The following RANBP2 variants were observed in gnomAD, a reference collection of about 807,000 sequenced individuals.
The protein encoded by RANBP2 is RAN binding protein 2.
In RANBP2, 57 loss-of-function variants were observed where a neutral mutation model predicts 303.6. The observed-to-expected ratio is 0.19, with a 90% CI of 0.15 to 0.23. The LOEUF is 0.23. RANBP2 is among the 10% of genes least tolerant of loss of function. The pLI is 1.00. For missense variants in RANBP2, 3,138 were observed against 3,780.8 expected (o/e 0.83, Z 4.46); for synonymous variants, 1,167 against 1,301.5 (o/e 0.90, Z 2.23).
chr2:109,726,225 A>G, the RANBP2 span, among the ~76,000 whole-genome samples: 1 of 151,820 alleles, frequency 6.6e-6, no homozygotes, highest in South Asian at 2.1e-4. Context: ...CCCGGCCAAC[A>G]TAGCAAAACC....
chr2:109,078,197 C>T, the RANBP2 span, among the ~76,000 whole-genome samples: 8 of 34,014 alleles, frequency 2.4e-4, no homozygotes, highest in Admixed American at 1.0e-3. Context: ...ATATATATAG[C>T]GTATATATAT....
At chr2:108,796,706 A>G in the RANBP2 span, among the ~76,000 whole-genome samples, 8 of 152,270 alleles carry the variant, frequency 5.3e-5, no homozygotes, top group Middle Eastern at 3.4e-3. Context: ...ATATTAAGAG[A>G]AATAAGCCAG....
the RANBP2 span, among the ~76,000 whole-genome samples, chr2:109,168,633 G>A: frequency 2.0e-5 from 3 of 151,434 alleles, no homozygotes; most frequent in East Asian, 2.0e-4. Context: ...CTTACAAATC[G>A]ATGCCATGGA....
At chr2:109,481,539 G>C in the RANBP2 span, among the ~76,000 whole-genome samples, 7 of 152,152 alleles carry the variant, frequency 4.6e-5, no homozygotes, top group Non-Finnish European at 8.8e-5. Context: ...GAAGGCTGTA[G>C]ATGCGTAGCT....
chr2:109,104,798 T>C, the RANBP2 span, among the ~76,000 whole-genome samples: 2 of 152,208 alleles, frequency 1.3e-5, no homozygotes, highest in Non-Finnish European at 2.9e-5. Context: ...TAGGTTTTTA[T>C]TTTTGGTTTA....
the RANBP2 span, among the ~76,000 whole-genome samples, chr2:109,628,751 G>A: frequency 1.4e-4 from 22 of 151,996 alleles, no homozygotes; most frequent in African/African-American, 5.1e-4. Context: ...AAGATGACAT[G>A]GTACTTTTTC....
At chr2:109,133,008 C>T in the RANBP2 span, among the ~76,000 whole-genome samples, 1 of 152,222 alleles carries the variant, frequency 6.6e-6, no homozygotes, top group Non-Finnish European at 1.5e-5. Context: ...AGAACATCTT[C>T]TGCAGTTCAT....
At chr2:109,481,112 G>C in the RANBP2 span, among the ~76,000 whole-genome samples, 1 of 152,216 alleles carries the variant, frequency 6.6e-6, no homozygotes, top group African/African-American at 2.4e-5. Context: ...CAGCTGTTCA[G>C]AAAGGCAGGA....
At chr2:109,012,592 C>T in the RANBP2 span, among the ~76,000 whole-genome samples, 2 of 149,082 alleles carry the variant, frequency 1.3e-5, no homozygotes, top group Admixed American at 1.4e-4. Context: ...ACCCTGCTTT[C>T]TCCTCTTTTC....
chr2:108,754,992 A>G lies in RANBP2; in HGVS notation c.2290A>G (p.Lys764Glu). The change falls in exon 16 of 29, where the codon AAA becomes GAA. Residue 764 changes from lysine (K) to glutamate (E), a missense_variant. Coordinates refer to ENST00000283195, the MANE Select transcript of RANBP2 (RefSeq NM_006267.5). Reference sequence around the variant, plus strand: ...CTATAGTGAAGGAGGTCCTCTCTATAAAAATGGTTCTTTGCGAAATGCAGA... The same window carrying G: ...CTATAGTGAAGGAGGTCCTCTCTATGAAAATGGTTCTTTGCGAAATGCAGA... ...EDYSEGGPLY[K>E]NGSLRNADSE... The G allele has an allele frequency of 3.7e-6, 6 of 1,611,848 alleles. No individual in the cohort carries two copies. The highest frequency in any genetic ancestry group is 3.3e-5 in the South Asian group (3 of 90,990).
At chr2:109,615,152 T>C in the RANBP2 span, 1 of 1,549,240 alleles carries the variant, frequency 6.5e-7, no homozygotes, top group Non-Finnish European at 8.7e-7. Flanking sequence ...GGAGCGTGTG[T>C]CCCGGGGGCA....
chr2:108,969,524 G>C, the RANBP2 span, among the ~76,000 whole-genome samples: 1 of 152,220 alleles, frequency 6.6e-6, no homozygotes, highest in Admixed American at 6.5e-5. Flanking sequence ...TTGGCATGAA[G>C]CAGACCTTTA....
intron 17 of RANBP2, among the ~76,000 whole-genome samples, chr2:108,756,823 T>C (rs894292349): frequency 6.6e-6 from 1 of 152,214 alleles, no homozygotes; most frequent in Admixed American, 6.5e-5. Flanking sequence ...ACACTGAATG[T>C]TAAAAATTAC....
chr2:109,086,600 C>T, the RANBP2 span, among the ~76,000 whole-genome samples: 2 of 152,276 alleles, frequency 1.3e-5, no homozygotes, highest in East Asian at 3.9e-4. Context: ...GAGTCTTCTG[C>T]AACCTTTGTA....
the RANBP2 span, among the ~76,000 whole-genome samples, chr2:109,465,782 A>G: frequency 6.6e-6 from 1 of 152,160 alleles, no homozygotes; most frequent in Non-Finnish European, 1.5e-5. Flanking sequence ...AGCAGGAGCA[A>G]GAGGGGAGGG....
the RANBP2 span, among the ~76,000 whole-genome samples, chr2:108,860,945 T>TTTTTTTTG: frequency 7.1e-6 from 1 of 139,940 alleles, no homozygotes; most frequent in Non-Finnish European, 1.6e-5. Context: ...CTTTTTTTTT[T>TTTTTTTTG]TTTTTTTTTT....
the RANBP2 span, among the ~76,000 whole-genome samples, chr2:109,704,350 C>T: frequency 1.3e-5 from 2 of 151,506 alleles, no homozygotes; most frequent in African/African-American, 4.9e-5. Flanking sequence ...GAGTTTGAGA[C>T]CAGCCAGGGC....
At chr2:108,778,930 A>G (rs1011221194) in intron 25 of RANBP2, among the ~76,000 whole-genome samples, 8 of 152,066 alleles carry the variant, frequency 5.3e-5, no homozygotes, top group South Asian at 4.1e-4. Flanking sequence ...GGGTCTCACT[A>G]TGTTACCCAG....
chr2:109,428,040 G>C, the RANBP2 span, among the ~76,000 whole-genome samples: 1 of 152,212 alleles, frequency 6.6e-6, no homozygotes, highest in Non-Finnish European at 1.5e-5. Flanking sequence ...CCAGCCCCCT[G>C]GCCTCCAGTG....
Sources: gnomAD v4.1 joint callset for allele counts (sites outside exome capture counted in the v4.1 genomes callset) on GRCh38, gnomAD v4.1.1 for gene constraint, MANE v1.5 for transcripts, NCBI Gene and HGNC (gene_info 2026-07-23, HGNC 2026-07-21) for gene names.